The following MYO10 variants were observed in gnomAD, a reference collection of about 807,000 sequenced individuals.
The protein encoded by MYO10 is unconventional myosin-X.
A neutral mutation model predicts 257.3 loss-of-function variants in MYO10; 133 were observed. The observed-to-expected ratio is 0.52, with a 90% CI of 0.45 to 0.60. MYO10 has a LOEUF of 0.60. Ranked by LOEUF, MYO10 falls within the 20% of genes least tolerant of loss-of-function variation. The pLI is 0.00. For missense variants in MYO10, 2,399 were observed against 2,635.7 expected, an observed-to-expected ratio of 0.91 and a Z score of 1.97; for synonymous variants, 1,104 against 1,028.6, an observed-to-expected ratio of 1.07 and a Z score of -1.40.
chr5:16,726,035 C>T (rs902824600), intron 19 of MYO10, among the ~76,000 whole-genome samples: 2 of 152,148 alleles, frequency 1.3e-5, no homozygotes, highest in Admixed American at 6.5e-5. Context: ...ATCCACCCGC[C>T]TCAGCCTCCC....
At chr5:16,698,417 G>A (rs1737861078) in intron 26 of MYO10, among the ~76,000 whole-genome samples, 1 of 152,110 alleles carries the variant, frequency 6.6e-6, no homozygotes, top group African/African-American at 2.4e-5. Flanking sequence ...CAAAAGGAGT[G>A]TGCCTCAAGG....
Position 16,762,503 on chromosome 5 carries a change from G to A in MYO10, c.1587+42C>T, listed in dbSNP as rs149465900. The A allele has an allele frequency of 6.8e-4, 992 of 1,465,290 alleles. 5 individuals are homozygous for A. The African/African-American group carries it at 0.013, about 19-fold the overall frequency. 90.8% of individuals were successfully genotyped at this position (1,465,290 alleles called of 1,614,324 possible). A position where few individuals can be genotyped will look rare whatever the true frequency, so the allele number is the denominator to read the frequency against. On this transcript the variant is annotated intron_variant, in intron 15 of 40. Transcript: ENST00000513610. ...TGGTGTGTAATCCCAACCCACAGAC[G>A]TGCTACTCCAATGTGATGAAGAATT... is the stretch of plus-strand genomic sequence containing the variant.
intron 2 of MYO10, among the ~76,000 whole-genome samples, chr5:16,820,017 C>T (rs1240192971): frequency 6.6e-6 from 1 of 152,174 alleles, no homozygotes; most frequent in Non-Finnish European, 1.5e-5. Context: ...TCCTAGTGGC[C>T]CCATCTCATG....
At chr5:16,777,263 T>C (rs1188172850) in intron 9 of MYO10, among the ~76,000 whole-genome samples, 1 of 152,146 alleles carries the variant, frequency 6.6e-6, no homozygotes, top group African/African-American at 2.4e-5. Flanking sequence ...ATAGGAGAGA[T>C]GGAGCGAGAA....
chr5:16,754,950 C>A lies in MYO10; in HGVS notation c.1849-42G>T, dbSNP rs1468397391. 3 of 1,346,126 alleles carry A rather than the reference C, an allele frequency of 2.2e-6. No homozygotes were observed. In the South Asian group the frequency reaches 4.2e-5, roughly 19 times the overall value. 83.4% of individuals were successfully genotyped at this position (1,346,126 alleles called of 1,614,324 possible). On this transcript the variant is annotated intron_variant, in intron 18 of 40. Transcript: ENST00000513610. ...ATGTTGATTTAGTCTCTTATTATGTCATTCTTTAAATTTCTCAGTACTCTA... is the reference window on the plus strand; with the variant it reads ...ATGTTGATTTAGTCTCTTATTATGTAATTCTTTAAATTTCTCAGTACTCTA...
At chr5:16,844,055 G>A (rs766485528) in intron 2 of MYO10, among the ~76,000 whole-genome samples, 1 of 152,210 alleles carries the variant, frequency 6.6e-6, no homozygotes, top group Non-Finnish European at 1.5e-5. Flanking sequence ...CGTCACTCAT[G>A]AATCAGCTGC....
intron 1 of MYO10, among the ~76,000 whole-genome samples, chr5:16,911,713 C>T (rs1340058358): frequency 2.6e-5 from 4 of 152,006 alleles, no homozygotes; most frequent in African/African-American, 9.7e-5. Context: ...TCCTGGGTAA[C>T]TGAGTGAGAT....
In MYO10 at chr5:16,818,109, G is replaced by A. The variant is rs201115810; in HGVS notation, c.179C>T (p.Thr60Met). The change falls in exon 3 of 41, where the codon ACG becomes ATG. Residue 60 changes from threonine to methionine, a missense_variant. Thr to Met is a moderately conservative substitution (Grantham distance 81). Coordinates refer to ENST00000513610, the MANE Select transcript of MYO10 (RefSeq NM_012334.3). ...CATGTCATCCACGCCCTCCTCGTTC[G>A]TGGGGTGCATAGCAGTCACCTTCTG... ...THQKVTAMHPTNEEGVDDMAS... is the reference protein window; with the variant it reads ...THQKVTAMHPMNEEGVDDMAS... 4,129 of 1,611,884 alleles carry A rather than the reference G, an allele frequency of 2.6e-3. 5 individuals carry two copies. The highest frequency in any genetic ancestry group is 3.3e-3 in the Non-Finnish European group (3,917 of 1,178,582).
chr5:16,722,304 C>T (rs976227303), intron 19 of MYO10, among the ~76,000 whole-genome samples: 4 of 152,214 alleles, frequency 2.6e-5, no homozygotes, highest in Admixed American at 1.3e-4. Context: ...CACATTCTTG[C>T]AGCGGAGCAG....
chr5:16,671,081 C>T, intron 38 of MYO10, 103 bp from the exon 39 acceptor site: 1 of 1,078,386 alleles, frequency 9.3e-7, no homozygotes, highest in Non-Finnish European at 1.3e-6. Context: ...CTCAAACTCA[C>T]CTTCCCTGAC....
At chr5:16,667,227 CAAGATAACT>C (rs1445642231) in intron 40 of MYO10, among the ~76,000 whole-genome samples, 1 of 152,158 alleles carries the variant, frequency 6.6e-6, no homozygotes, top group African/African-American at 2.4e-5. Context: ...GCTGAAGAAA[CAAGATAACT>C]GAGGCCCCAG....
At chr5:16,769,030 C>G in intron 10 of MYO10, 44 bp downstream of exon 10, 1 of 1,551,304 alleles carries the variant, frequency 6.4e-7, no homozygotes, top group Non-Finnish European at 8.7e-7. Context: ...AAGTTTCCCA[C>G]GGGGAACAAA....
At chr5:16,802,476 G>A (rs1742148776) in intron 3 of MYO10, among the ~76,000 whole-genome samples, 1 of 151,684 alleles carries the variant, frequency 6.6e-6, no homozygotes, top group South Asian at 2.1e-4. Context: ...GGCTAACAGG[G>A]TGAAACCCCG....
chr5:16,863,441 T>C (rs185994069), intron 2 of MYO10, among the ~76,000 whole-genome samples: 1 of 152,294 alleles, frequency 6.6e-6, no homozygotes, highest in African/African-American at 2.4e-5. Context: ...GATTTTTCAG[T>C]GGTGCTGGGA....
intron 19 of MYO10, among the ~76,000 whole-genome samples, chr5:16,729,334 G>A (rs1254462733): frequency 1.3e-5 from 2 of 152,114 alleles, no homozygotes; most frequent in East Asian, 3.8e-4. Flanking sequence ...CGTGGATTCA[G>A]AAAATCTGAT....
At chr5:16,725,779 G>A (rs1257181888) in intron 19 of MYO10, among the ~76,000 whole-genome samples, 1 of 136,670 alleles carries the variant, frequency 7.3e-6, no homozygotes, top group Admixed American at 8.1e-5. Flanking sequence ...AGAAGCAACA[G>A]GTACCCCCTT....
In MYO10 at chr5:16,701,396, T is replaced by G. The variant is rs745389285; in HGVS notation, c.2999A>C (p.Asp1000Ala). Reference protein sequence around the residue: ...EEEVDEGFEADDDAFKDSPNP... With the variant: ...EEEVDEGFEAADDAFKDSPNP... ...GGGGGAGTCCTTGAAGGCGTCGTCG[T>G]CGGCTTCGAAGCCCTCATCGACCTC... is the stretch of plus-strand genomic sequence containing the variant. Residue 1000 changes from aspartate to alanine, a missense_variant, in exon 25 of 41, where the codon GAC (aspartate) becomes GCC (alanine). By Grantham distance (126) the Asp-to-Ala change is moderately radical. Around this residue, in one of 3 missense-constraint regions of MYO10, gnomAD observed 1,820 missense variants for 1,939.4 expected, o/e 0.94. Transcript: ENST00000513610. The surrounding 1 kb of genome is among the most constrained non-coding windows in gnomAD (Gnocchi z 8.1). The G allele has an allele frequency of 7.4e-6, 12 of 1,613,994 alleles. No homozygotes were observed. The highest frequency in any genetic ancestry group is 1.7e-5 in the Admixed American group (1 of 60,018).
intron 2 of MYO10, among the ~76,000 whole-genome samples, chr5:16,825,065 T>G (rs1742960560): frequency 6.6e-6 from 1 of 152,220 alleles, no homozygotes. Context: ...ATTTTCTAAT[T>G]GTACTGCATT....
chr5:16,769,677 T>C (rs536366243), intron 9 of MYO10, among the ~76,000 whole-genome samples: 2 of 151,822 alleles, frequency 1.3e-5, no homozygotes, highest in South Asian at 2.1e-4. Flanking sequence ...GGACATTACA[T>C]AGTGCACATA....
Sources: gnomAD v4.1 joint callset for allele counts (sites outside exome capture counted in the v4.1 genomes callset) on GRCh38, gnomAD v4.1.1 for gene constraint, gnomAD v4.1.1 regional missense constraint, Gnocchi (gnomAD v3.1) non-coding constraint, MANE v1.5 for transcripts, NCBI Gene and HGNC (gene_info 2026-07-23, HGNC 2026-07-21) for gene names.